MSI2: variants seen among roughly 807,000 people sequenced by gnomAD.
MSI2 encodes RNA-binding protein Musashi homolog 2.
In MSI2, 17 loss-of-function variants were observed where a neutral mutation model predicts 45.6. That is an observed-to-expected ratio of 0.37 (90% CI 0.26 to 0.56). MSI2 has a LOEUF of 0.56. Among genes scored for constraint, MSI2 ranks in the 20% least tolerant of loss-of-function variants. The probability of loss-of-function intolerance (pLI) is 0.77; values close to 1 mark genes in which losing one functional copy is unlikely to be tolerated. For synonymous variants in MSI2, 156 were observed against 158.2 expected (o/e 0.99, Z 0.11); for missense variants, 293 against 444.2 (o/e 0.66, Z 3.06).
chr17:57,261,800 C>G (rs1907332011), intron 4 of MSI2, among the ~76,000 whole-genome samples: 1 of 152,128 alleles, frequency 6.6e-6, no homozygotes, highest in Non-Finnish European at 1.5e-5. Flanking sequence ...CATCTTTTCT[C>G]CCAGCCACGC....
rs114616095 is a variant in MSI2 at position 57,391,267 on chromosome 17, C to T, written c.313-10112C>T. ...GGGAGAAAGGTTGCGCTGGAGGAGA[C>T]AGAACCCTTGTGTGGATGGTGTTCT... On this transcript the variant is annotated intron_variant, in intron 5 of 13. Transcript: ENST00000284073. 2.3e-3 allele frequency among the ~76,000 whole-genome samples: 343 copies of T among 152,294 alleles called. 1 individual carries two copies. Among genetic ancestry groups the T allele is most frequent in the African/African-American group, 7.7e-3 (320 of 41,548 alleles).
intron 5 of MSI2, chr17:57,286,093 T>G: frequency 2.0e-6 from 2 of 990,648 alleles, no homozygotes; most frequent in Non-Finnish European, 1.4e-6. Context: ...CTTCTTTATT[T>G]TTTCTTTCTT....
chr17:57,344,919 C>T lies in MSI2; in HGVS notation c.313-56460C>T, dbSNP rs147550451. On this transcript the variant is annotated intron_variant, in intron 5 of 13. Coordinates refer to ENST00000284073, the MANE Select transcript of MSI2 (RefSeq NM_138962.4). ...CCCTACTAAAAATTCAAAAATTAGC[C>T]GGGCATGGTGGCATGTGCCTGTAAT... Among the ~76,000 whole-genome samples the T allele has an allele frequency of 5.5e-4, 83 of 151,768 alleles. 1 individual carries two copies. The highest frequency in any genetic ancestry group is 1.2e-3 in the East Asian group (6 of 5,174).
chr17:57,687,043 A>C (rs1289870362), downstream of MSI2, among the ~76,000 whole-genome samples: 3 of 150,096 alleles, frequency 2.0e-5, no homozygotes, highest in East Asian at 5.9e-4. Context: ...AATAATTAAC[A>C]TGTGGCTATA....
chr17:57,493,947 T>C (rs2085925727), intron 6 of MSI2, among the ~76,000 whole-genome samples: 1 of 152,162 alleles, frequency 6.6e-6, no homozygotes, highest in African/African-American at 2.4e-5. Context: ...TTAAGTGGTT[T>C]GCATGAGCCT....
chr17:57,634,811 C>A (rs1360167206), intron 10 of MSI2, among the ~76,000 whole-genome samples: 2 of 152,242 alleles, frequency 1.3e-5, no homozygotes, highest in African/African-American at 4.8e-5. Context: ...TCATTCTACT[C>A]TCTTCAGCAT....
chr17:57,667,292 T>TA (rs1180371835), intron 11 of MSI2, among the ~76,000 whole-genome samples: 1 of 152,166 alleles, frequency 6.6e-6, no homozygotes, highest in African/African-American at 2.4e-5. Context: ...ATGTTAGTGT[T>TA]AAAACACCGC....
chr17:57,371,561 AC>A (rs1316811211), intron 5 of MSI2, among the ~76,000 whole-genome samples: 4 of 150,768 alleles, frequency 2.7e-5, no homozygotes, highest in Non-Finnish European at 5.9e-5. Flanking sequence ...ACACACACAC[AC>A]ACACACACAA....
intron 7 of MSI2, among the ~76,000 whole-genome samples, chr17:57,541,786 G>A (rs1224887553): frequency 6.6e-6 from 1 of 152,142 alleles, no homozygotes; most frequent in East Asian, 1.9e-4. Flanking sequence ...ATTTTAAAGT[G>A]ATCAAAGTTG....
chr17:57,508,176 A>T (rs1046492404), intron 6 of MSI2, among the ~76,000 whole-genome samples: 11 of 152,146 alleles, frequency 7.2e-5, no homozygotes, highest in Non-Finnish European at 1.2e-4. Flanking sequence ...TTCGTCACCC[A>T]TTCCCTTGCC....
At chr17:57,600,148 A>T (rs1264426120) in intron 8 of MSI2, among the ~76,000 whole-genome samples, 1 of 152,254 alleles carries the variant, frequency 6.6e-6, no homozygotes, top group African/African-American at 2.4e-5. Context: ...TTCAAATGAG[A>T]TATCTGGAAA....
chr17:57,257,161 C>T, intron 2 of MSI2, 23 bp downstream of exon 2: 1 of 1,494,242 alleles, frequency 6.7e-7, no homozygotes, highest in Non-Finnish European at 9.1e-7. Context: ...GGGGGGGACG[C>T]CTGGGTCCCC....
At chr17:57,315,880 C>G (rs1054305123) in intron 5 of MSI2, among the ~76,000 whole-genome samples, 42 of 152,090 alleles carry the variant, frequency 2.8e-4, no homozygotes, top group African/African-American at 9.9e-4. Flanking sequence ...GCTAATTTGC[C>G]TCTGTCTAAA....
At chr17:57,299,046 C>T (rs1248367804) in intron 5 of MSI2, among the ~76,000 whole-genome samples, 1 of 152,216 alleles carries the variant, frequency 6.6e-6, no homozygotes, top group Non-Finnish European at 1.5e-5. Flanking sequence ...ACTTTTATGT[C>T]AAACAAATGG....
chr17:57,644,268 T>C (rs1910483385), intron 10 of MSI2, among the ~76,000 whole-genome samples: 1 of 151,252 alleles, frequency 6.6e-6, no homozygotes, highest in Admixed American at 6.6e-5. Context: ...AATCAAAATG[T>C]GACAGTCTGA....
At chr17:57,312,983 A>G (rs933727964) in intron 5 of MSI2, among the ~76,000 whole-genome samples, 1 of 152,164 alleles carries the variant, frequency 6.6e-6, no homozygotes, top group Non-Finnish European at 1.5e-5. Context: ...AGTAGCTGGA[A>G]CTACAGGCGT....
intron 11 of MSI2, among the ~76,000 whole-genome samples, chr17:57,663,289 A>T (rs893602340): frequency 1.3e-5 from 2 of 152,200 alleles, no homozygotes; most frequent in African/African-American, 4.8e-5. Context: ...TTTGTAGATG[A>T]GTAATTACTA....
At chr17:57,431,294 T>C (rs991029698) in intron 6 of MSI2, among the ~76,000 whole-genome samples, 1 of 152,178 alleles carries the variant, frequency 6.6e-6, no homozygotes, top group Non-Finnish European at 1.5e-5. Flanking sequence ...AGCCCTGTGG[T>C]TCAGAACGGC....
intron 5 of MSI2, among the ~76,000 whole-genome samples, chr17:57,391,600 T>G (rs143975940): frequency 6.6e-6 from 1 of 152,026 alleles, no homozygotes; most frequent in Non-Finnish European, 1.5e-5. Flanking sequence ...TCACCGTGAG[T>G]CATCTGTGCA....
Sources: allele counts gnomAD v4.1 joint callset (sites outside exome capture counted in the v4.1 genomes callset), GRCh38; gene constraint gnomAD v4.1.1; transcripts MANE v1.5; gene names NCBI Gene and HGNC (gene_info 2026-07-23, HGNC 2026-07-21).